Variants in ITPK1 observed in about 807,000 individuals in gnomAD.
The protein encoded by ITPK1 is inositol-tetrakisphosphate 1-kinase, also known as inositol 1,3,4-trisphosphate 5/6-kinase.
A neutral mutation model predicts 45.3 loss-of-function variants in ITPK1; 21 were observed. That is an observed-to-expected ratio of 0.46 (90% confidence interval 0.33 to 0.67). The LOEUF is 0.67. ITPK1 is among the 30% of genes least tolerant of loss of function. The pLI is 0.02. For missense variants in ITPK1, 474 were observed against 573.5 expected (o/e 0.83, Z 1.77); for synonymous variants, 258 against 253.6 (o/e 1.02, Z -0.16).
At chr14:92,995,154 GC>G (rs1366476839) in intron 4 of ITPK1, among the ~76,000 whole-genome samples, 1 of 152,198 alleles carries the variant, frequency 6.6e-6, no homozygotes, top group African/African-American at 2.4e-5. Context: ...GGAGCTGTTG[GC>G]CCCCTGGGCT....
intron 4 of ITPK1, among the ~76,000 whole-genome samples, chr14:92,999,330 C>T (rs986195591): frequency 6.6e-6 from 1 of 152,266 alleles, no homozygotes; most frequent in African/African-American, 2.4e-5. Context: ...GACCCTGAGA[C>T]TCTGAGAGGT....
At chr14:93,111,733 A>G (rs975932537) in intron 2 of ITPK1, among the ~76,000 whole-genome samples, 4 of 150,552 alleles carry the variant, frequency 2.7e-5, no homozygotes, top group Non-Finnish European at 3.0e-5. Context: ...AAAAAGCCAC[A>G]AAGAGGGGGT....
intron 2 of ITPK1, among the ~76,000 whole-genome samples, chr14:93,103,888 C>T (rs770890635): frequency 6.6e-6 from 1 of 152,158 alleles, no homozygotes; most frequent in Non-Finnish European, 1.5e-5. Flanking sequence ...TACCATGCCC[C>T]GCCCTGCCCA....
chr14:93,081,730 C>A (rs906301651), intron 2 of ITPK1, among the ~76,000 whole-genome samples: 1 of 152,200 alleles, frequency 6.6e-6, no homozygotes, highest in Non-Finnish European at 1.5e-5. Context: ...GTGAGTCCTG[C>A]GCCCTCCCCA....
chr14:92,967,073 C>A (rs1885410908), intron 5 of ITPK1, among the ~76,000 whole-genome samples: 1 of 152,106 alleles, frequency 6.6e-6, no homozygotes, highest in Non-Finnish European at 1.5e-5. Context: ...AAAAGCAACC[C>A]AAGGAAAAAT....
intron 3 of ITPK1, among the ~76,000 whole-genome samples, chr14:93,057,729 C>T (rs760300412): frequency 1.3e-5 from 2 of 152,160 alleles, no homozygotes; most frequent in East Asian, 1.9e-4. Flanking sequence ...CAGTCTCCTG[C>T]GGCCCCAGCC....
intron 3 of ITPK1, chr14:93,072,000 T>A (rs1440898588): frequency 2.0e-5 from 3 of 151,848 alleles, no homozygotes; most frequent in African/African-American, 7.3e-5. Context: ...CCTTTAAAAA[T>A]AAACTTAATT....
rs1267285295 is a variant in ITPK1 at position 93,016,259 on chromosome 14, C to T, written c.246+417G>A. On this transcript the variant is annotated intron_variant, in intron 4 of 10. Coordinates refer to ENST00000267615, the MANE Select transcript of ITPK1 (RefSeq NM_014216.6). This position sits in a 1 kb window ranked among gnomAD's most constrained non-coding sequence, Gnocchi z 5.0. ...AAGTAATGGGCAGAGGCAGGGTTCT[C>T]CACCAAGGCAGGACTCAGTTCAAAG... Among the ~76,000 whole-genome samples the T allele has an allele frequency of 6.6e-6, 1 of 152,124 alleles. No individual in the cohort carries two copies. Among genetic ancestry groups the T allele is most frequent in the Non-Finnish European group, 1.5e-5 (1 of 68,028 alleles).
In ITPK1 at chr14:93,032,315, A is replaced by G. The variant is rs933332008; in HGVS notation, c.121-15514T>C. Among the ~76,000 whole-genome samples the G allele has an allele frequency of 6.6e-6, 1 of 151,962 alleles. No individual in the cohort carries two copies. The highest frequency in any genetic ancestry group is 1.5e-5 in the Non-Finnish European group (1 of 68,010). On this transcript the variant is annotated intron_variant, in intron 3 of 10. Transcript: ENST00000267615. The surrounding 1 kb of genome is among the most constrained non-coding windows in gnomAD (Gnocchi z 4.0). ...CAGTGAGCCGAGATTACGCCACTGCACTCCAGGCTGGGCGACAGAGCGAGA... is the reference window on the plus strand; with the variant it reads ...CAGTGAGCCGAGATTACGCCACTGCGCTCCAGGCTGGGCGACAGAGCGAGA...
At chr14:92,989,251 G>A (rs1886654997) in intron 5 of ITPK1, among the ~76,000 whole-genome samples, 1 of 152,112 alleles carries the variant, frequency 6.6e-6, no homozygotes, top group Non-Finnish European at 1.5e-5. Flanking sequence ...CATTCAATCT[G>A]CGGTATGCAC....
intron 3 of ITPK1, among the ~76,000 whole-genome samples, chr14:93,041,086 CCT>C (rs1450016966): frequency 6.6e-6 from 1 of 152,172 alleles, no homozygotes; most frequent in African/African-American, 2.4e-5. Flanking sequence ...AACCTAATCC[CCT>C]GTCAGGAGGG....
At chr14:92,946,868 T>C (rs1046138870) in intron 9 of ITPK1, among the ~76,000 whole-genome samples, 1 of 152,180 alleles carries the variant, frequency 6.6e-6, no homozygotes, top group African/African-American at 2.4e-5. Flanking sequence ...CAAAGCCTTT[T>C]AACAGGGAGG....
chr14:92,966,523 A>T (rs1276752007), intron 5 of ITPK1, among the ~76,000 whole-genome samples: 2 of 152,220 alleles, frequency 1.3e-5, no homozygotes, highest in South Asian at 2.1e-4. Flanking sequence ...ATACTCCCAA[A>T]TTGATCTATA....
At chr14:92,996,884 T>C (rs997094718) in intron 4 of ITPK1, among the ~76,000 whole-genome samples, 2 of 152,156 alleles carry the variant, frequency 1.3e-5, no homozygotes, top group African/African-American at 4.8e-5. Flanking sequence ...GCAAGTCACT[T>C]GGCTTCTCAG....
intron 7 of ITPK1, among the ~76,000 whole-genome samples, chr14:92,962,089 C>G (rs371431435): frequency 6.6e-6 from 1 of 152,378 alleles, no homozygotes; most frequent in South Asian, 2.1e-4. Context: ...ACAGGCTCCA[C>G]AGAGGACAGG....
intron 5 of ITPK1, among the ~76,000 whole-genome samples, chr14:92,974,202 A>C (rs776454247): frequency 6.6e-6 from 1 of 152,188 alleles, no homozygotes; most frequent in Non-Finnish European, 1.5e-5. Context: ...AGGGGCTGGC[A>C]CTGAGCAGGG....
intron 4 of ITPK1, among the ~76,000 whole-genome samples, chr14:93,004,010 C>G (rs927319786): frequency 5.3e-5 from 8 of 152,260 alleles, no homozygotes; most frequent in Admixed American, 1.3e-4. Flanking sequence ...GACGAACAAA[C>G]CAAAAACAGA....
At chr14:92,981,984 TG>T (rs1886257459) in intron 5 of ITPK1, among the ~76,000 whole-genome samples, 1 of 152,160 alleles carries the variant, frequency 6.6e-6, no homozygotes, top group African/African-American at 2.4e-5. Context: ...GGGGTGCCCC[TG>T]GGGTTCGGCT....
chr14:93,099,126 C>A (rs1157058689), intron 2 of ITPK1, among the ~76,000 whole-genome samples: 2 of 152,190 alleles, frequency 1.3e-5, no homozygotes, highest in African/African-American at 2.4e-5. Flanking sequence ...AATAGTCCAG[C>A]ATGTCCTCCC....
Sources: gnomAD v4.1 joint callset for allele counts (sites outside exome capture counted in the v4.1 genomes callset) on GRCh38, gnomAD v4.1.1 for gene constraint, Gnocchi (gnomAD v3.1) non-coding constraint, MANE v1.5 for transcripts, NCBI Gene and HGNC (gene_info 2026-07-23, HGNC 2026-07-21) for gene names.